Variants in CX3CR1 observed in about 807,000 individuals in gnomAD.
The protein encoded by CX3CR1 is CX3C chemokine receptor 1.
For missense variants in CX3CR1, 363 were observed against 432.4 expected, an observed-to-expected ratio of 0.84 and a Z score of 1.42; for synonymous variants, 168 against 178.5, an observed-to-expected ratio of 0.94 and a Z score of 0.47.
the CX3CR1 span, among the ~76,000 whole-genome samples, chr3:39,291,094 T>C: frequency 2.0e-5 from 3 of 151,606 alleles, no homozygotes; most frequent in South Asian, 6.3e-4. Context: ...TTCACTCTTG[T>C]TGCCCAGGCT....
rs574775684 is a variant in CX3CR1 at position 39,264,278 on chromosome 3, A to G, written c.*1164T>C. On this transcript the variant is annotated 3_prime_UTR_variant, in exon 2 of 2. Coordinates refer to ENST00000399220, the MANE Select transcript of CX3CR1 (RefSeq NM_001337.4). Reference sequence around the variant, plus strand: ...CACAGCAGTGCCAGGTGTGGAAAGCAGAAGTCTAAGAGGCAGACAAAAGGG... The same window carrying G: ...CACAGCAGTGCCAGGTGTGGAAAGCGGAAGTCTAAGAGGCAGACAAAAGGG... 1 of 152,442 alleles carries G rather than the reference A, an allele frequency of 6.6e-6. No homozygotes were observed. Among genetic ancestry groups the G allele is most frequent in the South Asian group, 2.1e-4 (1 of 4,834 alleles). The allele number at this position is 152,442 out of a possible 1,614,324, so 9.4% of individuals were successfully genotyped here.
At chr3:39,283,704 C>T (rs982274302), upstream of CX3CR1, among the ~76,000 whole-genome samples, 2 of 147,976 alleles carry the variant, frequency 1.4e-5, no homozygotes, top group African/African-American at 2.5e-5. Flanking sequence ...CGCTTGAAAC[C>T]GGAAGGTGGA....
At chr3:39,283,795 T>TTTTATA (rs1553606448), upstream of CX3CR1, among the ~76,000 whole-genome samples, 185 of 65,226 alleles carry the variant, frequency 2.8e-3, 1 homozygote, top group Non-Finnish European at 4.1e-3. Flanking sequence ...AAAAAAAAAA[T>TTTTATA]TATATATATA....
intron 1 of CX3CR1, among the ~76,000 whole-genome samples, chr3:39,277,836 A>G (rs1401557205): frequency 6.6e-6 from 1 of 152,194 alleles, no homozygotes; most frequent in Non-Finnish European, 1.5e-5. Context: ...AATAGTAGTC[A>G]GTGTTTTTCA....
chr3:39,277,514 G>C (rs767075345), intron 1 of CX3CR1, among the ~76,000 whole-genome samples: 3 of 152,206 alleles, frequency 2.0e-5, no homozygotes, highest in Non-Finnish European at 4.4e-5. Flanking sequence ...TCCCCTCCTT[G>C]TTCAGCTCCT....
the CX3CR1 span, among the ~76,000 whole-genome samples, chr3:39,291,188 C>G: frequency 6.6e-6 from 1 of 151,842 alleles, no homozygotes; most frequent in Non-Finnish European, 1.5e-5. Context: ...TCCCAAGTAG[C>G]TGGGATTACA....
chr3:39,279,898 T>C (rs1342841686), intron 1 of CX3CR1, 56 bp downstream of exon 1: 5 of 794,494 alleles, frequency 6.3e-6, no homozygotes, highest in Non-Finnish European at 7.6e-6. Context: ...ATTAACCTAT[T>C]AGCTGTCCAC....
intron 1 of CX3CR1, among the ~76,000 whole-genome samples, chr3:39,276,594 T>A (rs565142522): frequency 2.0e-5 from 3 of 152,340 alleles, no homozygotes; most frequent in African/African-American, 7.2e-5. Context: ...TGCGTAGGAT[T>A]CCACTGTGTG....
upstream of CX3CR1, among the ~76,000 whole-genome samples, chr3:39,283,798 TATATATATATATATATATATATATATATA>T (rs2040925991): frequency 7.0e-5 from 2 of 28,750 alleles, no homozygotes; most frequent in Non-Finnish European, 1.3e-4. Flanking sequence ...AAAAAAATTA[TATATATATATATATATATATATATATATA>T]TATATATATA....
At chr3:39,266,971 A>AT (rs2125550307) in intron 1 of CX3CR1, among the ~76,000 whole-genome samples, 1 of 152,024 alleles carries the variant, frequency 6.6e-6, no homozygotes, top group East Asian at 1.9e-4. Context: ...TTTAGTAGAG[A>AT]TGGGGTTTCA....
rs968196193 is a variant in CX3CR1, at chr3:39,271,944, G to A, written c.-9-5426C>T. ...CCTGGCAGCAGATGCGAGTGTGGCC[G>A]TGCCTTGGGGGTGGCCCTCAGGGTG... On this transcript the variant is annotated intron_variant, in intron 1 of 1. Transcript: ENST00000399220. Among the ~76,000 whole-genome samples, 33 of 152,322 alleles carry A rather than the reference G, an allele frequency of 2.2e-4. No homozygotes were observed. The Middle Eastern group carries it at 0.01, about 47-fold the overall frequency.
In CX3CR1 at chr3:39,265,547, G is replaced by A. The variant is rs767805893; in HGVS notation, c.963C>T (p.His321=). The change falls in exon 2 of 2, where the codon CAC becomes CAT. Residue 321 remains histidine, a synonymous_variant. Transcript: ENST00000399220. ...GTGATTCAGATGAGGAGAAATCAAC[G>A]TGGACTGAGCGCCCACACAGGACAG... The part of the protein sequence containing the change: ...CLAVLCGRSV[H]VDFSSSESQR... 8.7e-6 allele frequency: 14 copies of A among 1,614,048 alleles called. No homozygotes were observed. Among genetic ancestry groups the A allele is most frequent in the East Asian group, 4.5e-5 (2 of 44,882 alleles).
rs1464222193 is a variant in CX3CR1, at chr3:39,265,763, A to G, written c.747T>C (p.Val249=). 4 of 1,614,188 alleles carry G rather than the reference A, an allele frequency of 2.5e-6. No individual in the cohort carries two copies. In the Admixed American group the frequency reaches 5.0e-5, roughly 20 times the overall value. Residue 249 remains valine, a synonymous_variant, in exon 2 of 2, where the codon GTT becomes GTC. Transcript: ENST00000399220. ...VFFLFWTPYN[V]MIFLETLKLY... ...GCTTAAGCGTCTCCAGGAAAATCATAACGTTGTAGGGTGTCCAGAAGAGGA... is the reference window on the plus strand; with the variant it reads ...GCTTAAGCGTCTCCAGGAAAATCATGACGTTGTAGGGTGTCCAGAAGAGGA...
upstream of CX3CR1, among the ~76,000 whole-genome samples, chr3:39,282,608 T>A (rs534603449): frequency 2.4e-4 from 37 of 152,226 alleles, no homozygotes; most frequent in South Asian, 7.3e-3. Flanking sequence ...CACCCATCAC[T>A]GCAGGCACCC....
In CX3CR1 at chr3:39,265,436, T is replaced by C; in HGVS notation, c.*6A>G. 11 of 1,594,318 alleles carry C rather than the reference T, an allele frequency of 6.9e-6. No individual in the cohort carries two copies. Among genetic ancestry groups the C allele is most frequent in the Non-Finnish European group, 8.6e-6 (10 of 1,167,838 alleles). ...TCTCTGTAGACACAAGGCTTTGGGATTCCCTTCAGAGAAGGAGCAATGCAT... is the reference window on the plus strand; with the variant it reads ...TCTCTGTAGACACAAGGCTTTGGGACTCCCTTCAGAGAAGGAGCAATGCAT... On this transcript the variant is annotated 3_prime_UTR_variant, in exon 2 of 2. Coordinates refer to ENST00000399220, the MANE Select transcript of CX3CR1 (RefSeq NM_001337.4).
intron 1 of CX3CR1, among the ~76,000 whole-genome samples, chr3:39,275,624 A>G (rs1223797480): frequency 6.6e-6 from 1 of 152,216 alleles, no homozygotes; most frequent in African/African-American, 2.4e-5. Context: ...CTCTTAGTAG[A>G]TGGCCTATAA....
chr3:39,267,860 T>A (rs1356822309), intron 1 of CX3CR1, among the ~76,000 whole-genome samples: 2 of 152,212 alleles, frequency 1.3e-5, no homozygotes, highest in Non-Finnish European at 2.9e-5. Flanking sequence ...ACTCCCCTTC[T>A]TTTCGCAGCC....
At chr3:39,290,677 T>C in the CX3CR1 span, among the ~76,000 whole-genome samples, 1 of 152,106 alleles carries the variant, frequency 6.6e-6, no homozygotes, top group Non-Finnish European at 1.5e-5. Context: ...ATCCCAGCAC[T>C]TTGGGAGGCC....
intron 1 of CX3CR1, among the ~76,000 whole-genome samples, chr3:39,271,839 GA>G (rs1249883595): frequency 9.2e-5 from 14 of 152,364 alleles, no homozygotes; most frequent in Middle Eastern, 3.4e-3. Flanking sequence ...AAGGAAGACT[GA>G]GCCTGAGCTG....
Sources: gnomAD v4.1 joint callset for allele counts (sites outside exome capture counted in the v4.1 genomes callset) on GRCh38, gnomAD v4.1.1 for gene constraint, MANE v1.5 for transcripts, NCBI Gene and HGNC (gene_info 2026-07-23, HGNC 2026-07-21) for gene names.